MAP7D1: variants seen among roughly 807,000 people sequenced by gnomAD.
The protein encoded by MAP7D1 is MAP7 domain containing 1.
In MAP7D1, 30 loss-of-function variants were observed where a neutral mutation model predicts 97.5. The ratio of observed to expected loss-of-function variants is 0.31; its 90% CI spans 0.23 to 0.42. The LOEUF (loss-of-function observed/expected upper bound fraction) is 0.42, where lower values mean the gene tolerates loss of function less well. Among genes scored for constraint, MAP7D1 ranks in the 10% least tolerant of loss-of-function variants. The pLI is 1.00. For missense variants in MAP7D1, 1,184 were observed against 1,179.5 expected (o/e 1.00, Z -0.06); for synonymous variants, 536 against 477.1 (o/e 1.12, Z -1.61).
intron 14 of MAP7D1, 31 bp from the exon 15 acceptor site, chr1:36,179,635 C>T: frequency 6.5e-7 from 1 of 1,544,024 alleles, no homozygotes. Context: ...TTGCCAGCCC[C>T]TGGCTGATGG....
Position 36,171,011 on chromosome 1 carries a change from A to G in MAP7D1, c.87A>G (p.Pro29=). The change falls in exon 2 of 17, where the codon CCA becomes CCG. Residue 29 remains proline (P), a synonymous_variant. Transcript: ENST00000474796. ...CCCCCCCAGAGCCAAGACCTTCTCC[A>G]GAAGGTGACCCTTCCCCCCCACCAC... is the stretch of plus-strand genomic sequence containing the variant. ...ARTPPEPRPS[P]EGDPSPPPPP... 6.5e-7 allele frequency: 1 copy of G among 1,534,212 alleles called. No homozygotes were observed. Among genetic ancestry groups the G allele is most frequent in the Non-Finnish European group, 8.9e-7 (1 of 1,122,838 alleles).
intron 16 of MAP7D1, 42 bp downstream of exon 16, chr1:36,180,109 C>A: frequency 1.9e-6 from 3 of 1,610,686 alleles, no homozygotes; most frequent in Non-Finnish European, 8.5e-7. Flanking sequence ...TTCCTCCCAG[C>A]AGCCTTCCCT....
chr1:36,159,142 C>A lies in MAP7D1; in HGVS notation c.46+2679C>A, dbSNP rs1024906564. Reference sequence around the variant, plus strand: ...CCACGATCTCGGCACACTGCAACCTCCGCCTCCCAGGTTCAAGCGATTCTC... The same window carrying A: ...CCACGATCTCGGCACACTGCAACCTACGCCTCCCAGGTTCAAGCGATTCTC... On this transcript the variant is annotated intron_variant, in intron 1 of 16. Coordinates refer to ENST00000474796, the MANE Select transcript of MAP7D1 (RefSeq NM_001388490.1). The surrounding 1 kb of genome is among the most constrained non-coding windows in gnomAD (Gnocchi z 5.4). Among the ~76,000 whole-genome samples, 2 of 152,126 alleles carry A rather than the reference C, an allele frequency of 1.3e-5. No homozygotes were observed. The highest frequency in any genetic ancestry group is 4.8e-5 in the African/African-American group (2 of 41,408).
Position 36,176,596 on chromosome 1 carries a change from T to C in MAP7D1, c.1233+15T>C. The C allele has an allele frequency of 1.3e-6, 2 of 1,535,552 alleles. No homozygotes were observed. Among genetic ancestry groups the C allele is most frequent in the Non-Finnish European group, 1.8e-6 (2 of 1,140,360 alleles). ...AGGCCTCGCCGGTGAGTGGCTCTAC[T>C]GGCTCGAGTGGCCGCGCAGGTGGGG... is the stretch of plus-strand genomic sequence containing the variant. On this transcript the variant is annotated intron_variant, in intron 7 of 16. Transcript: ENST00000474796. The surrounding 1 kb of genome is among the most constrained non-coding windows in gnomAD (Gnocchi z 6.1).
intron 13 of MAP7D1, 88 bp from the exon 14 acceptor site, chr1:36,179,424 TGCG>T: frequency 6.4e-7 from 1 of 1,573,502 alleles, no homozygotes; most frequent in South Asian, 1.1e-5. Flanking sequence ...GGGAGGCCGC[TGCG>T]GCCCGGGCAA....
chr1:36,162,432 G>A (rs11263861), intron 1 of MAP7D1, among the ~76,000 whole-genome samples: 87,863 of 152,134 alleles, frequency 0.58, 26,756 homozygotes, highest in Non-Finnish European at 0.69. Context: ...GCTTCAGGGC[G>A]GGGTAATGTG....
intron 8 of MAP7D1, among the ~76,000 whole-genome samples, chr1:36,177,188 G>A (rs774699303): frequency 2.0e-5 from 3 of 152,286 alleles, no homozygotes; most frequent in Non-Finnish European, 2.9e-5. Context: ...GAGCTTAGGT[G>A]ATCCACCCGC....
chr1:36,166,905 A>C (rs1045873422), intron 1 of MAP7D1, among the ~76,000 whole-genome samples: 7 of 152,186 alleles, frequency 4.6e-5, no homozygotes, highest in African/African-American at 1.7e-4. Flanking sequence ...GGTGTGATGT[A>C]GTTGTCATTA....
intron 13 of MAP7D1, 89 bp downstream of exon 13, chr1:36,179,404 G>T: frequency 6.3e-7 from 1 of 1,584,062 alleles, no homozygotes; most frequent in South Asian, 1.1e-5. Flanking sequence ...CACGGAGAGC[G>T]AGGCTGTCAG....
intron 1 of MAP7D1, among the ~76,000 whole-genome samples, chr1:36,170,008 G>C (rs138529755): frequency 6.6e-6 from 1 of 152,208 alleles, no homozygotes; most frequent in Non-Finnish European, 1.5e-5. Flanking sequence ...GAACTAACTA[G>C]ACCCTTGAAA....
chr1:36,171,508 C>T lies in MAP7D1; in HGVS notation c.392-5C>T. 1 of 1,614,130 alleles carries T rather than the reference C, an allele frequency of 6.2e-7. No individual in the cohort carries two copies. Among genetic ancestry groups the T allele is most frequent in the Non-Finnish European group, 8.5e-7 (1 of 1,179,986 alleles). On this transcript the variant is annotated splice_polypyrimidine_tract_variant and splice_region_variant and intron_variant, in intron 2 of 16. Transcript: ENST00000474796. Reference sequence around the variant, plus strand: ...GACCTGTCTGTTCTTGTTCCCTCTGCTCAGAGGTGAAGAAGGCAGGAGAGA... The same window carrying T: ...GACCTGTCTGTTCTTGTTCCCTCTGTTCAGAGGTGAAGAAGGCAGGAGAGA...
chr1:36,157,793 A>C (rs1570120377), intron 1 of MAP7D1, among the ~76,000 whole-genome samples: 1 of 152,266 alleles, frequency 6.6e-6, no homozygotes, highest in East Asian at 1.9e-4. Context: ...GGATGCTTCT[A>C]GGGGACTGTC....
chr1:36,156,408 C>G lies in MAP7D1; in HGVS notation c.-10C>G. On this transcript the variant is annotated 5_prime_UTR_variant, in exon 1 of 17. Coordinates refer to ENST00000474796, the MANE Select transcript of MAP7D1 (RefSeq NM_001388490.1). ...GCTGAGACCCCGAGACCCCCAGTGA[C>G]GCCGCAGCCATGGAGAGCGGCCCGC... The G allele has an allele frequency of 6.7e-7, 1 of 1,486,608 alleles. No individual in the cohort carries two copies. Among genetic ancestry groups the G allele is most frequent in the South Asian group, 1.3e-5 (1 of 79,242 alleles). 92.1% of individuals were successfully genotyped at this position (1,486,608 alleles called of 1,614,324 possible).
At chr1:36,179,482 C>A in intron 13 of MAP7D1, 33 bp from the exon 14 acceptor site, 1 of 1,578,962 alleles carries the variant, frequency 6.3e-7, no homozygotes, top group Non-Finnish European at 8.6e-7. Flanking sequence ...CCGGCTGTCC[C>A]TTGAGCCTGA....
Position 36,178,719 on chromosome 1 carries a change from G to A in MAP7D1, c.1921G>A (p.Glu641Lys), listed in dbSNP as rs1644668145. The A allele has an allele frequency of 6.5e-7, 1 of 1,537,874 alleles. No homozygotes were observed. The highest frequency in any genetic ancestry group is 8.8e-7 in the Non-Finnish European group (1 of 1,142,448). The change falls in exon 11 of 17, where the codon GAG becomes AAG. Residue 641 changes from glutamate to lysine, a missense_variant. By Grantham distance (56) the Glu-to-Lys change is moderately conservative. Coordinates refer to ENST00000474796, the MANE Select transcript of MAP7D1 (RefSeq NM_001388490.1). ...AGAGGAGCAGCTGGCACGGGAGGCC[G>A]AGGCCCGGGCGGAGCGGGAGGCGGA... ...MREEQLAREAEARAEREAEAR... is the reference protein window; with the variant it reads ...MREEQLAREAKARAEREAEAR...
intron 1 of MAP7D1, among the ~76,000 whole-genome samples, chr1:36,165,061 T>A (rs1444333110): frequency 6.6e-6 from 1 of 152,190 alleles, no homozygotes; most frequent in Non-Finnish European, 1.5e-5. Flanking sequence ...AAAAGAAGAC[T>A]TGGAAAGAAA....
chr1:36,172,214 G>T, intron 3 of MAP7D1: 1 of 343,116 alleles, frequency 2.9e-6, no homozygotes, highest in African/African-American at 2.1e-5. Flanking sequence ...TTGCACTCAA[G>T]CATTCATTTC....
Position 36,176,250 on chromosome 1 carries a change from T to G in MAP7D1, c.902T>G (p.Met301Arg). 1 of 1,608,494 alleles carries G rather than the reference T, an allele frequency of 6.2e-7. No homozygotes were observed. ...AWESSIVDRL[M>R]TPTLSFLARS... The stretch of plus-strand genomic sequence containing the variant: ...GAGAGCAGCATCGTGGATCGTCTGA[T>G]GACGCCCACTCTCTCCTTCCTTGCT... Residue 301 changes from methionine to arginine, a missense_variant, in exon 7 of 17, where the codon ATG becomes AGG. By Grantham distance (91) the Met-to-Arg change is moderately conservative. Transcript: ENST00000474796. The surrounding 1 kb of genome is among the most constrained non-coding windows in gnomAD (Gnocchi z 6.1).
In MAP7D1 at chr1:36,179,914, C is replaced by T. The variant is rs1305928012; in HGVS notation, c.2359C>T (p.Leu787=). 1 of 1,613,952 alleles carries T rather than the reference C, an allele frequency of 6.2e-7. No individual in the cohort carries two copies. The highest frequency in any genetic ancestry group is 1.7e-5 in the Admixed American group (1 of 59,994). Residue 787 remains leucine (L), a synonymous_variant, in exon 16 of 17, where the codon CTG becomes TTG. Coordinates refer to ENST00000474796, the MANE Select transcript of MAP7D1 (RefSeq NM_001388490.1). The part of the protein sequence containing the change: ...KELPASLVNG[L]QPLPAHQENG... ...GTTGCCAGCGTCCCTGGTGAATGGCCTGCAGCCTCTCCCAGCACACCAGGA... is the reference window on the plus strand; with the variant it reads ...GTTGCCAGCGTCCCTGGTGAATGGCTTGCAGCCTCTCCCAGCACACCAGGA...
Sources: allele counts gnomAD v4.1 joint callset (sites outside exome capture counted in the v4.1 genomes callset), GRCh38; gene constraint gnomAD v4.1.1; non-coding constraint Gnocchi (gnomAD v3.1); transcripts MANE v1.5; gene names NCBI Gene and HGNC (gene_info 2026-07-23, HGNC 2026-07-21).